Variants in NOS1AP observed in about 807,000 individuals in gnomAD.
NOS1AP encodes the protein nitric oxide synthase 1 adaptor protein.
In NOS1AP, 21 loss-of-function variants were observed where a neutral mutation model predicts 56.2. The ratio of observed to expected loss-of-function variants is 0.37; its 90% CI spans 0.26 to 0.54. The LOEUF (loss-of-function observed/expected upper bound fraction) is 0.54, where lower values mean the gene tolerates loss of function less well. Among genes scored for constraint, NOS1AP ranks in the 20% least tolerant of loss-of-function variants. NOS1AP has a pLI of 0.84. For synonymous variants in NOS1AP, 270 were observed against 274.6 expected (o/e 0.98, Z 0.17); for missense variants, 522 against 657.8 (o/e 0.79, Z 2.26).
At chr1:162,292,618 G>A (rs893506179) in intron 3 of NOS1AP, among the ~76,000 whole-genome samples, 6 of 152,180 alleles carry the variant, frequency 3.9e-5, no homozygotes, top group African/African-American at 1.4e-4. Context: ...CCACTGCTCT[G>A]TTGCTGTGTG....
intron 3 of NOS1AP, among the ~76,000 whole-genome samples, chr1:162,296,604 T>C (rs1281731211): frequency 6.6e-6 from 1 of 152,198 alleles, no homozygotes; most frequent in African/African-American, 2.4e-5. Flanking sequence ...CTGCTAATGC[T>C]CATTCTTATT....
At chr1:162,254,659 G>A (rs1653969672) in intron 2 of NOS1AP, among the ~76,000 whole-genome samples, 1 of 152,216 alleles carries the variant, frequency 6.6e-6, no homozygotes, top group African/African-American at 2.4e-5. Flanking sequence ...TGTGTACAAA[G>A]GAGAAGGGAC....
At chr1:162,093,675 C>T (rs1173158261) in intron 1 of NOS1AP, among the ~76,000 whole-genome samples, 2 of 152,230 alleles carry the variant, frequency 1.3e-5, no homozygotes, top group Admixed American at 6.5e-5. Flanking sequence ...TTGCCTCAGC[C>T]TCCTGAATAG....
intron 2 of NOS1AP, among the ~76,000 whole-genome samples, chr1:162,176,548 T>G (rs951153317): frequency 6.9e-6 from 1 of 145,532 alleles, no homozygotes. Context: ...GTTGCTCTGT[T>G]GCCAGGCTGG....
chr1:162,226,313 A>G (rs185870193), intron 2 of NOS1AP, among the ~76,000 whole-genome samples: 119 of 152,282 alleles, frequency 7.8e-4, no homozygotes, highest in Admixed American at 2.8e-3. Flanking sequence ...TTTATTGATT[A>G]CCTGCTATGG....
At chr1:162,264,253 C>G (rs1654326903) in intron 2 of NOS1AP, among the ~76,000 whole-genome samples, 1 of 152,038 alleles carries the variant, frequency 6.6e-6, no homozygotes, top group Admixed American at 6.6e-5. Context: ...CCTCTTCAGC[C>G]TCTTCTCCCT....
chr1:162,285,935 G>T (rs1287836816), intron 2 of NOS1AP, among the ~76,000 whole-genome samples: 1 of 152,174 alleles, frequency 6.6e-6, no homozygotes, highest in African/African-American at 2.4e-5. Context: ...CGTGAAGAAG[G>T]ATCTCTTACC....
At chr1:162,341,037 A>G (rs1657092530) in intron 5 of NOS1AP, among the ~76,000 whole-genome samples, 1 of 152,154 alleles carries the variant, frequency 6.6e-6, no homozygotes, top group African/African-American at 2.4e-5. Context: ...CCTGAGAAAT[A>G]CAGGTCCTCT....
At chr1:162,143,301 G>A (rs111546900) in intron 1 of NOS1AP, among the ~76,000 whole-genome samples, 10 of 152,004 alleles carry the variant, frequency 6.6e-5, no homozygotes, top group African/African-American at 2.4e-4. Flanking sequence ...ATTTACTCTG[G>A]CATTTTAGAT....
chr1:162,321,181 G>A lies in NOS1AP; in HGVS notation c.345-11836G>A, dbSNP rs866989511. Among the ~76,000 whole-genome samples, 104 of 152,306 alleles carry A rather than the reference G, an allele frequency of 6.8e-4. No homozygotes were observed. The Middle Eastern group carries it at 0.014, about 20-fold the overall frequency. On this transcript the variant is annotated intron_variant, in intron 4 of 9. Transcript: ENST00000361897. ...CAATTTTCCCAGCACCATTTGTTGA[G>A]TAGGGAATCCTTTCCCCATTTCTTG...
intron 1 of NOS1AP, among the ~76,000 whole-genome samples, chr1:162,151,017 T>C (rs1649683004): frequency 6.6e-6 from 1 of 152,224 alleles, no homozygotes; most frequent in Non-Finnish European, 1.5e-5. Context: ...CATGGGGTAT[T>C]ACTCAAGAAA....
chr1:162,128,816 G>T (rs925955707), intron 1 of NOS1AP, among the ~76,000 whole-genome samples: 4 of 152,168 alleles, frequency 2.6e-5, no homozygotes, highest in Non-Finnish European at 2.9e-5. Context: ...GAAGAAATCA[G>T]TTTAAAATGA....
chr1:162,305,082 G>T (rs1264296465), intron 4 of NOS1AP, among the ~76,000 whole-genome samples: 1 of 151,926 alleles, frequency 6.6e-6, no homozygotes, highest in Non-Finnish European at 1.5e-5. Flanking sequence ...TAAATCTTTT[G>T]CATTATTCAC....
intron 1 of NOS1AP, among the ~76,000 whole-genome samples, chr1:162,079,374 T>A (rs1389165414): frequency 1.3e-5 from 2 of 152,242 alleles, no homozygotes; most frequent in Non-Finnish European, 2.9e-5. Context: ...ACTTGTTTTC[T>A]CATTAATGAA....
intron 2 of NOS1AP, among the ~76,000 whole-genome samples, chr1:162,234,970 G>C (rs1653239628): frequency 6.6e-6 from 1 of 152,130 alleles, no homozygotes; most frequent in Non-Finnish European, 1.5e-5. Context: ...GCCCTGTTCT[G>C]ACAGTTCCCT....
At chr1:162,316,186 G>A (rs541690776) in intron 4 of NOS1AP, among the ~76,000 whole-genome samples, 4 of 152,262 alleles carry the variant, frequency 2.6e-5, no homozygotes, top group Admixed American at 2.6e-4. Flanking sequence ...CATATGTGAA[G>A]GTATTTGAGA....
chr1:162,191,647 T>G (rs1651651368), intron 2 of NOS1AP, among the ~76,000 whole-genome samples: 1 of 151,994 alleles, frequency 6.6e-6, no homozygotes, highest in Admixed American at 6.6e-5. Context: ...GATAGCTGGC[T>G]ACATTCTCTT....
intron 4 of NOS1AP, among the ~76,000 whole-genome samples, chr1:162,322,980 C>T (rs1334588916): frequency 6.6e-6 from 1 of 152,162 alleles, no homozygotes; most frequent in Non-Finnish European, 1.5e-5. Flanking sequence ...AATGCAGATA[C>T]TATAGTGAGT....
chr1:162,179,438 G>T (rs760586875), intron 2 of NOS1AP, among the ~76,000 whole-genome samples: 5 of 152,104 alleles, frequency 3.3e-5, no homozygotes, highest in Non-Finnish European at 7.4e-5. Context: ...CAATTCTACA[G>T]CCATTGCCAG....
Sources: allele counts gnomAD v4.1 joint callset (sites outside exome capture counted in the v4.1 genomes callset), GRCh38; gene constraint gnomAD v4.1.1; transcripts MANE v1.5; gene names NCBI Gene and HGNC (gene_info 2026-07-23, HGNC 2026-07-21).